The following CNTN5 variants were observed in gnomAD, a reference collection of about 807,000 sequenced individuals.
CNTN5 encodes the protein contactin-5.
In CNTN5, 77 loss-of-function variants were observed where a neutral mutation model predicts 129.1. The observed-to-expected ratio is 0.60, with a 90% CI of 0.50 to 0.72. The LOEUF is 0.72. Among genes scored for constraint, CNTN5 ranks in the 30% least tolerant of loss-of-function variants. CNTN5 has a pLI of 0.00. For synonymous variants in CNTN5, 509 were observed against 465.6 expected, an observed-to-expected ratio of 1.09 and a Z score of -1.20; for missense variants, 1,478 against 1,328.8, an observed-to-expected ratio of 1.11 and a Z score of -1.75.
chr11:99,839,470 G>A (rs987181097), intron 4 of CNTN5, among the ~76,000 whole-genome samples: 2 of 151,952 alleles, frequency 1.3e-5, no homozygotes, highest in African/African-American at 4.8e-5. Context: ...TGAAGTTGAG[G>A]CAGAGGGAAG....
chr11:99,778,453 A>C (rs1945200546), intron 3 of CNTN5, among the ~76,000 whole-genome samples: 1 of 151,892 alleles, frequency 6.6e-6, no homozygotes, highest in South Asian at 2.1e-4. Context: ...GCTTTTTAAA[A>C]ATTAATGTAT....
chr11:99,997,095 A>G (rs1476424905), intron 8 of CNTN5, among the ~76,000 whole-genome samples: 1 of 152,098 alleles, frequency 6.6e-6, no homozygotes, highest in Admixed American at 6.5e-5. Flanking sequence ...CCAGTTTATC[A>G]TTTTTGATTG....
chr11:99,724,827 T>G (rs1254052359), intron 3 of CNTN5, among the ~76,000 whole-genome samples: 1 of 152,182 alleles, frequency 6.6e-6, no homozygotes, highest in African/African-American at 2.4e-5. Flanking sequence ...GGCTGTTTGA[T>G]GACAAAAGTA....
At chr11:100,122,225 G>A (rs1946048019) in intron 13 of CNTN5, among the ~76,000 whole-genome samples, 1 of 152,012 alleles carries the variant, frequency 6.6e-6, no homozygotes, top group Admixed American at 6.6e-5. Context: ...GTGGGGTGGG[G>A]AGGTGGAATG....
intron 1 of CNTN5, among the ~76,000 whole-genome samples, chr11:99,287,867 A>G (rs1187887189): frequency 1.3e-5 from 2 of 152,010 alleles, no homozygotes; most frequent in Non-Finnish European, 2.9e-5. Context: ...ATGTGGAGGA[A>G]TAAAGGAGAA....
intron 6 of CNTN5, among the ~76,000 whole-genome samples, chr11:99,852,331 A>C (rs546590281): frequency 6.6e-6 from 1 of 152,346 alleles, no homozygotes; most frequent in East Asian, 1.9e-4. Flanking sequence ...TCAAAAATAC[A>C]TAATTTTATG....
intron 1 of CNTN5, among the ~76,000 whole-genome samples, chr11:99,040,843 G>A (rs191102728): frequency 0.011 from 1,602 of 152,214 alleles, 21 homozygotes; most frequent in Non-Finnish European, 0.014. Context: ...GGTGAAAGAA[G>A]AGAAAGAGTT....
At chr11:99,309,308 T>C (rs1865006722) in intron 1 of CNTN5, among the ~76,000 whole-genome samples, 1 of 151,818 alleles carries the variant, frequency 6.6e-6, no homozygotes, top group Non-Finnish European at 1.5e-5. Flanking sequence ...CTTAAAAAAA[T>C]GTTTCACTTT....
intron 21 of CNTN5, among the ~76,000 whole-genome samples, chr11:100,323,994 G>A (rs1036022989): frequency 6.6e-6 from 1 of 152,058 alleles, no homozygotes; most frequent in Admixed American, 6.6e-5. Context: ...CTACCTGAAA[G>A]TATTTCAGAT....
chr11:100,105,845 A>G (rs1253759442), intron 13 of CNTN5, among the ~76,000 whole-genome samples: 2 of 152,212 alleles, frequency 1.3e-5, no homozygotes, highest in Admixed American at 1.3e-4. Flanking sequence ...AGTCCTTTGC[A>G]CTTAAAAGCA....
intron 4 of CNTN5, among the ~76,000 whole-genome samples, chr11:99,839,550 C>T (rs563866603): frequency 6.6e-6 from 1 of 152,064 alleles, no homozygotes; most frequent in African/African-American, 2.4e-5. Flanking sequence ...CTGTGAACCA[C>T]GCAGATGTCC....
chr11:99,537,103 T>G (rs1019980324), intron 2 of CNTN5, among the ~76,000 whole-genome samples: 1 of 152,100 alleles, frequency 6.6e-6, no homozygotes, highest in African/African-American at 2.4e-5. Flanking sequence ...TTAGAGATTT[T>G]AAATAAGTTG....
intron 15 of CNTN5, among the ~76,000 whole-genome samples, chr11:100,224,380 A>G (rs1949328834): frequency 6.6e-6 from 1 of 152,152 alleles, no homozygotes; most frequent in African/African-American, 2.4e-5. Flanking sequence ...GCAAAGCAAC[A>G]TTTTTGCTCA....
At chr11:99,387,437 T>C (rs1940983833) in intron 2 of CNTN5, among the ~76,000 whole-genome samples, 1 of 152,214 alleles carries the variant, frequency 6.6e-6, no homozygotes, top group Admixed American at 6.5e-5. Flanking sequence ...TCCACAAATC[T>C]CTTTTCATTA....
chr11:99,251,642 A>T (rs1353895640), intron 1 of CNTN5, among the ~76,000 whole-genome samples: 1 of 152,016 alleles, frequency 6.6e-6, no homozygotes, highest in African/African-American at 2.4e-5. Context: ...GGCTATAACT[A>T]TAACAATTGT....
At chr11:100,196,016 C>G (rs998625004) in intron 15 of CNTN5, among the ~76,000 whole-genome samples, 5 of 151,876 alleles carry the variant, frequency 3.3e-5, no homozygotes, top group Non-Finnish European at 5.9e-5. Context: ...GTCAGAGGGA[C>G]AGGATGGGGC....
intron 1 of CNTN5, among the ~76,000 whole-genome samples, chr11:99,151,794 A>G (rs1565358703): frequency 6.6e-6 from 1 of 152,090 alleles, no homozygotes; most frequent in Non-Finnish European, 1.5e-5. Flanking sequence ...TCAGCAAACT[A>G]ACACAGAAAC....
chr11:99,076,208 G>A (rs981211523), intron 1 of CNTN5, among the ~76,000 whole-genome samples: 3 of 152,080 alleles, frequency 2.0e-5, no homozygotes, highest in African/African-American at 7.2e-5. Flanking sequence ...GGTGGTGTAT[G>A]CCTGTAACCT....
chr11:99,412,786 A>G (rs913293363), intron 2 of CNTN5, among the ~76,000 whole-genome samples: 2 of 152,252 alleles, frequency 1.3e-5, no homozygotes, highest in Non-Finnish European at 2.9e-5. Flanking sequence ...AAGAGTTTGT[A>G]TTGTATTATT....
Sources: gnomAD v4.1 joint callset for allele counts (sites outside exome capture counted in the v4.1 genomes callset) on GRCh38, gnomAD v4.1.1 for gene constraint, MANE v1.5 for transcripts, NCBI Gene and HGNC (gene_info 2026-07-23, HGNC 2026-07-21) for gene names.